The following PTPRT variants were observed in gnomAD, a reference collection of about 807,000 sequenced individuals.
PTPRT encodes the protein receptor-type tyrosine-protein phosphatase T.
In PTPRT, 56 loss-of-function variants were observed where a neutral mutation model predicts 176.8. The ratio of observed to expected loss-of-function variants is 0.32; its 90% CI spans 0.26 to 0.40. The LOEUF is 0.40. PTPRT is among the 10% of genes least tolerant of loss of function. The pLI is 1.00. For missense variants in PTPRT, 1,540 were observed against 1,908.2 expected (o/e 0.81, Z 3.60); for synonymous variants, 783 against 739.0 (o/e 1.06, Z -0.96).
At chr20:42,315,624 T>C (rs2057709484) in intron 12 of PTPRT, 99 bp downstream of exon 12, 5 of 1,409,912 alleles carry the variant, frequency 3.5e-6, no homozygotes, top group Non-Finnish European at 4.8e-6. Context: ...CCACGGGCCT[T>C]AGTTTTTCAT....
Position 42,404,972 on chromosome 20 carries a change from T to TTATATA in PTPRT, c.1560+43242_1560+43247dup, listed in dbSNP as rs200602736. ...AGCATGTGAATAGAGGGCCAATTAA[T>TTATATA]TATATATATATATATACACACACAC... On this transcript the variant is annotated intron_variant, in intron 9 of 30. Transcript: ENST00000373187. Among the ~76,000 whole-genome samples, 71 of 77,934 alleles carry TTATATA rather than the reference T, an allele frequency of 9.1e-4. 3 individuals are homozygous for TTATATA. Among genetic ancestry groups the TTATATA allele is most frequent in the Middle Eastern group, 7.6e-3 (1 of 132 alleles). 51.1% of individuals were successfully genotyped at this position (77,934 alleles called of 152,430 possible). A position where few individuals can be genotyped will look rare whatever the true frequency, so the allele number is the denominator to read the frequency against.
At chr20:42,631,560 G>A (rs1000399733) in intron 7 of PTPRT, among the ~76,000 whole-genome samples, 2 of 152,166 alleles carry the variant, frequency 1.3e-5, no homozygotes, top group African/African-American at 2.4e-5. Flanking sequence ...CAAGCTGTGA[G>A]GTAGGCCCAA....
intron 9 of PTPRT, among the ~76,000 whole-genome samples, chr20:42,391,956 G>A (rs929619932): frequency 6.6e-6 from 1 of 152,074 alleles, no homozygotes; most frequent in Non-Finnish European, 1.5e-5. Flanking sequence ...ACATTGCCAC[G>A]GGCTCTATTT....
intron 1 of PTPRT, among the ~76,000 whole-genome samples, chr20:43,087,239 T>G (rs2047217950): frequency 6.6e-6 from 1 of 152,208 alleles, no homozygotes; most frequent in Non-Finnish European, 1.5e-5. Flanking sequence ...TCACTTAATC[T>G]TTTAAGAGCT....
At chr20:42,543,740 C>T (rs897562224) in intron 7 of PTPRT, among the ~76,000 whole-genome samples, 1 of 151,972 alleles carries the variant, frequency 6.6e-6, no homozygotes, top group African/African-American at 2.4e-5. Context: ...TTAAACAAGA[C>T]CCAAAAGTCA....
intron 8 of PTPRT, among the ~76,000 whole-genome samples, chr20:42,449,105 T>C (rs993302386): frequency 3.3e-5 from 5 of 152,196 alleles, no homozygotes; most frequent in Admixed American, 6.5e-5. Flanking sequence ...TCTTGACTAA[T>C]TCCTGAATCC....
intron 1 of PTPRT, among the ~76,000 whole-genome samples, chr20:42,950,697 A>G (rs376871359): frequency 2.6e-5 from 4 of 152,212 alleles, no homozygotes; most frequent in Non-Finnish European, 5.9e-5. Flanking sequence ...CGTGTTTTAC[A>G]TGCCTATACC....
intron 17 of PTPRT, among the ~76,000 whole-genome samples, chr20:42,154,569 G>A (rs1261115907): frequency 1.3e-5 from 2 of 152,202 alleles, no homozygotes; most frequent in East Asian, 3.9e-4. Context: ...TAGTCTTAAT[G>A]GAGCTGTAAT....
At chr20:42,424,240 C>A (rs1419013997) in intron 9 of PTPRT, among the ~76,000 whole-genome samples, 1 of 152,090 alleles carries the variant, frequency 6.6e-6, no homozygotes, top group African/African-American at 2.4e-5. Context: ...ACCTTTTTGT[C>A]CCCAGCTGAA....
At chr20:42,950,398 C>T (rs1981165374) in intron 1 of PTPRT, among the ~76,000 whole-genome samples, 1 of 152,208 alleles carries the variant, frequency 6.6e-6, no homozygotes. Context: ...ACTTTCATTT[C>T]CATCCCAGCC....
At chr20:42,218,774 T>C (rs1297323260) in intron 15 of PTPRT, among the ~76,000 whole-genome samples, 1 of 152,232 alleles carries the variant, frequency 6.6e-6, no homozygotes, top group African/African-American at 2.4e-5. Context: ...TCATGCATTA[T>C]GCATCAAGAG....
chr20:42,589,233 G>A (rs1353447752), intron 7 of PTPRT, among the ~76,000 whole-genome samples: 2 of 152,158 alleles, frequency 1.3e-5, no homozygotes, highest in South Asian at 2.1e-4. Context: ...TATGGAGGTG[G>A]GGGAGTTCTC....
chr20:43,033,242 C>A (rs1490292609), intron 1 of PTPRT, among the ~76,000 whole-genome samples: 1 of 152,136 alleles, frequency 6.6e-6, no homozygotes. Flanking sequence ...GACTTAGGAC[C>A]CCTTGAGCCT....
At chr20:42,063,445 C>G in the PTPRT span, 8 of 152,178 alleles carry the variant, frequency 5.3e-5, no homozygotes, top group African/African-American at 1.9e-4. Context: ...CAAGGCCACT[C>G]TCAGAGACAG....
intron 7 of PTPRT, among the ~76,000 whole-genome samples, chr20:42,496,558 T>C (rs1028308896): frequency 3.3e-5 from 5 of 152,144 alleles, no homozygotes; most frequent in African/African-American, 1.2e-4. Context: ...TGTCCGCTGT[T>C]AATTCTTATG....
At chr20:42,612,964 A>G (rs1413150064) in intron 7 of PTPRT, among the ~76,000 whole-genome samples, 2 of 152,202 alleles carry the variant, frequency 1.3e-5, no homozygotes, top group African/African-American at 4.8e-5. Flanking sequence ...GTATGTATGT[A>G]TATTTATGCA....
In PTPRT at chr20:42,633,801, AT is replaced by A. The variant is rs1569037110; in HGVS notation, c.1153+44064del. On this transcript the variant is annotated intron_variant, in intron 7 of 30. Transcript: ENST00000373187. ...ACTCTGAAAATATATATATATATAT[AT>A]ATATATATATATATATAATAAAATA... Among the ~76,000 whole-genome samples the A allele has an allele frequency of 4.7e-3, 315 of 66,436 alleles. 19 individuals carry two copies. The highest frequency in any genetic ancestry group is 0.021 in the African/African-American group (299 of 14,270). The allele number at this position is 66,436 out of a possible 152,430, so 43.6% of individuals were successfully genotyped here. A position where few individuals can be genotyped will look rare whatever the true frequency, so the allele number is the denominator to read the frequency against.
chr20:42,572,270 G>T (rs2073169963), intron 7 of PTPRT, among the ~76,000 whole-genome samples: 1 of 152,172 alleles, frequency 6.6e-6, no homozygotes, highest in African/African-American at 2.4e-5. Flanking sequence ...TAAGTTTCAA[G>T]ATATGAACTT....
Position 42,077,640 on chromosome 20 carries a change from G to A in PTPRT, c.*3239C>T, listed in dbSNP as rs1230647926. 2 of 218,548 alleles carry A rather than the reference G, an allele frequency of 9.2e-6. No homozygotes were observed. The highest frequency in any genetic ancestry group is 1.8e-5 in the Non-Finnish European group (2 of 108,806). 13.5% of individuals were successfully genotyped at this position (218,548 alleles called of 1,614,324 possible). On this transcript the variant is annotated 3_prime_UTR_variant, in exon 31 of 31. Coordinates refer to ENST00000373187, the MANE Select transcript of PTPRT (RefSeq NM_007050.6). ...AAGCCTTGCCACATCCTTGTCCCAT[G>A]GGATCTTAGGGAAGTCATCCCCATC...
Sources: gnomAD v4.1 joint callset for allele counts (sites outside exome capture counted in the v4.1 genomes callset) on GRCh38, gnomAD v4.1.1 for gene constraint, MANE v1.5 for transcripts, NCBI Gene and HGNC (gene_info 2026-07-23, HGNC 2026-07-21) for gene names.